Variants in SLC67A2 observed in about 807,000 individuals in gnomAD.
SLC67A2 encodes the protein solute carrier family 67 member A2.
At chr2:102,723,379 G>T in the SLC67A2 span, among the ~76,000 whole-genome samples, 2 of 152,164 alleles carry the variant, frequency 1.3e-5, no homozygotes, top group Admixed American at 1.3e-4. Context: ...TGAGGCAGGA[G>T]AATCGCTTGA....
At chr2:102,714,909 T>A in the SLC67A2 span, among the ~76,000 whole-genome samples, 2 of 152,206 alleles carry the variant, frequency 1.3e-5, no homozygotes, top group Non-Finnish European at 1.5e-5. Flanking sequence ...GCCTAAAATT[T>A]TCTGACTGGA....
At chr2:102,728,862 A>C in the SLC67A2 span, among the ~76,000 whole-genome samples, 1 of 152,176 alleles carries the variant, frequency 6.6e-6, no homozygotes, top group African/African-American at 2.4e-5. Flanking sequence ...TGTGTGCTTA[A>C]TATAAAATGA....
the SLC67A2 span, among the ~76,000 whole-genome samples, chr2:102,726,618 G>A: frequency 5.9e-5 from 9 of 151,948 alleles, 1 homozygote; most frequent in South Asian, 2.1e-4. Flanking sequence ...ACACATGCTC[G>A]CGCACGCACA....
the SLC67A2 span, among the ~76,000 whole-genome samples, chr2:102,719,600 C>A: frequency 6.6e-6 from 1 of 152,210 alleles, no homozygotes; most frequent in Admixed American, 6.5e-5. Flanking sequence ...ATCCATCTAT[C>A]CAACCATCTA....
the SLC67A2 span, among the ~76,000 whole-genome samples, chr2:102,724,933 T>C: frequency 6.6e-6 from 1 of 152,240 alleles, no homozygotes; most frequent in African/African-American, 2.4e-5. Context: ...TCCTTAAATG[T>C]CAGAGAGGAC....
chr2:102,731,207 T>C, the SLC67A2 span: 1 of 592,290 alleles, frequency 1.7e-6, no homozygotes, highest in South Asian at 2.9e-5. Context: ...TCACATCTTT[T>C]TTTTTTCTAC....
the SLC67A2 span, among the ~76,000 whole-genome samples, chr2:102,720,020 A>G: frequency 1.3e-5 from 2 of 152,212 alleles, no homozygotes. Flanking sequence ...GGACTAGCAC[A>G]TTCTTGCCTG....
chr2:102,714,861 CAAAT>C, the SLC67A2 span, among the ~76,000 whole-genome samples: 1 of 152,150 alleles, frequency 6.6e-6, no homozygotes, highest in African/African-American at 2.4e-5. Flanking sequence ...TTATGCATTC[CAAAT>C]AAATAGCTGT....
At chr2:102,720,891 C>A in the SLC67A2 span, among the ~76,000 whole-genome samples, 1 of 152,194 alleles carries the variant, frequency 6.6e-6, no homozygotes, top group African/African-American at 2.4e-5. Flanking sequence ...GATGGCAAGA[C>A]TGGAATGAGA....
chr2:102,723,549 A>G, the SLC67A2 span: 1 of 570,278 alleles, frequency 1.8e-6, no homozygotes, highest in Non-Finnish European at 2.7e-6. Flanking sequence ...CACTATGGAA[A>G]ACACTAGGGG....
At chr2:102,721,175 A>G in the SLC67A2 span, among the ~76,000 whole-genome samples, 1 of 152,248 alleles carries the variant, frequency 6.6e-6, no homozygotes, top group South Asian at 2.1e-4. Flanking sequence ...TTGTTGAAGG[A>G]TCCAAAATAG....
chr2:102,736,765 C>G, the SLC67A2 span: 2 of 1,613,748 alleles, frequency 1.2e-6, no homozygotes, highest in Non-Finnish European at 1.7e-6. Flanking sequence ...GTCTCCGAGA[C>G]CAGCCTCGGG....
the SLC67A2 span, among the ~76,000 whole-genome samples, chr2:102,715,384 G>C: frequency 6.6e-6 from 1 of 152,112 alleles, no homozygotes; most frequent in Non-Finnish European, 1.5e-5. Flanking sequence ...TGTGGTCTAA[G>C]GCATGTAGCC....
the SLC67A2 span, among the ~76,000 whole-genome samples, chr2:102,720,528 T>A: frequency 7.9e-5 from 12 of 152,154 alleles, no homozygotes; most frequent in Non-Finnish European, 1.8e-4. Flanking sequence ...TGTGAAACGC[T>A]AAGAAAATAT....
At chr2:102,729,361 G>C in the SLC67A2 span, among the ~76,000 whole-genome samples, 1 of 152,134 alleles carries the variant, frequency 6.6e-6, no homozygotes, top group Non-Finnish European at 1.5e-5. Context: ...AAGTAAGCCT[G>C]GTCTGTATCT....
At chr2:102,734,674 C>T in the SLC67A2 span, among the ~76,000 whole-genome samples, 1 of 151,778 alleles carries the variant, frequency 6.6e-6, no homozygotes, top group Non-Finnish European at 1.5e-5. Flanking sequence ...TAAAAAAATC[C>T]CTACTCTTTC....
At chr2:102,725,638 A>G in the SLC67A2 span, among the ~76,000 whole-genome samples, 1 of 152,190 alleles carries the variant, frequency 6.6e-6, no homozygotes, top group Non-Finnish European at 1.5e-5. Context: ...TGTAAAGACA[A>G]CTGACCACAT....
At chr2:102,714,648 A>G in the SLC67A2 span, among the ~76,000 whole-genome samples, 1 of 152,202 alleles carries the variant, frequency 6.6e-6, no homozygotes, top group African/African-American at 2.4e-5. Flanking sequence ...ATAAAGTTTT[A>G]TTTTTGAAGA....
At chr2:102,732,207 C>A in the SLC67A2 span, 2 of 936,618 alleles carry the variant, frequency 2.1e-6, no homozygotes, top group Non-Finnish European at 3.5e-6. Context: ...TGTTTTATCT[C>A]ATTTCCCACT....
Sources: gnomAD v4.1 joint callset for allele counts (sites outside exome capture counted in the v4.1 genomes callset) on GRCh38, gnomAD v4.1.1 for gene constraint, MANE v1.5 for transcripts, NCBI Gene and HGNC (gene_info 2026-07-23, HGNC 2026-07-21) for gene names.